Variants in SEC14L5 observed in about 807,000 individuals in gnomAD.
The protein encoded by SEC14L5 is SEC14-like protein 5.
Under a neutral mutation model 84.6 loss-of-function variants are expected in SEC14L5, and 96 were observed. That is an observed-to-expected ratio of 1.13 (90% CI 0.96 to 1.34). SEC14L5 has a LOEUF of 1.34. Ranked by LOEUF, SEC14L5 falls within the 40% of genes most tolerant of loss-of-function variation. The pLI is 0.00. For missense variants in SEC14L5, 1,224 were observed against 942.5 expected, an observed-to-expected ratio of 1.30 and a Z score of -3.91; for synonymous variants, 546 against 383.4, an observed-to-expected ratio of 1.42 and a Z score of -4.95.
chr16:4,984,035 A>T (rs945666259), intron 2 of SEC14L5, among the ~76,000 whole-genome samples: 2 of 152,214 alleles, frequency 1.3e-5, no homozygotes, highest in Admixed American at 1.3e-4. Flanking sequence ...TTCACATATC[A>T]TACAACTCAT....
At chr16:4,995,284 A>G (rs561973114) in intron 6 of SEC14L5, among the ~76,000 whole-genome samples, 11 of 152,302 alleles carry the variant, frequency 7.2e-5, no homozygotes, top group South Asian at 2.1e-4. Context: ...TGCCACCCTC[A>G]TGGCTAAGAG....
At chr16:4,997,393 C>T (rs967300080) in intron 8 of SEC14L5, among the ~76,000 whole-genome samples, 5 of 152,248 alleles carry the variant, frequency 3.3e-5, no homozygotes, top group African/African-American at 1.2e-4. Context: ...AGCCACCGCA[C>T]CCGGCCCAAA....
At chr16:4,960,046 G>A (rs1202975411) in intron 2 of SEC14L5, among the ~76,000 whole-genome samples, 1 of 152,182 alleles carries the variant, frequency 6.6e-6, no homozygotes, top group Non-Finnish European at 1.5e-5. Context: ...GATGTACTCT[G>A]TGTTGTGCAG....
At chr16:4,962,613 G>T (rs969258882) in intron 2 of SEC14L5, among the ~76,000 whole-genome samples, 1 of 151,438 alleles carries the variant, frequency 6.6e-6, no homozygotes, top group Non-Finnish European at 1.5e-5. Flanking sequence ...GCTTAAACCC[G>T]GGAGGCGGAG....
chr16:4,989,381 G>T (rs1955528932), intron 4 of SEC14L5, among the ~76,000 whole-genome samples: 1 of 149,814 alleles, frequency 6.7e-6, no homozygotes, highest in South Asian at 2.1e-4. Flanking sequence ...GGCCCAGGCT[G>T]GAGTGCACTG....
intron 4 of SEC14L5, among the ~76,000 whole-genome samples, chr16:4,990,402 A>T (rs1955540131): frequency 6.6e-6 from 1 of 152,210 alleles, no homozygotes; most frequent in African/African-American, 2.4e-5. Flanking sequence ...ACCTCAAATG[A>T]TTCGCCCACC....
chr16:4,969,865 T>C lies in SEC14L5; in HGVS notation c.63+10479T>C, dbSNP rs1160897303. Reference sequence around the variant, plus strand: ...ACTGGTCTCAGGTTGTCACCCAGGCTGGGGTGCAGCGGCACGATCACAGCT... The same window carrying C: ...ACTGGTCTCAGGTTGTCACCCAGGCCGGGGTGCAGCGGCACGATCACAGCT... On this transcript the variant is annotated intron_variant, in intron 2 of 15. Transcript: ENST00000251170. Among the ~76,000 whole-genome samples, 21 of 151,278 alleles carry C rather than the reference T, an allele frequency of 1.4e-4. No individual in the cohort carries two copies. The East Asian group carries it at 4.1e-3, about 29-fold the overall frequency.
chr16:4,967,741 T>A (rs1394526544), intron 2 of SEC14L5, among the ~76,000 whole-genome samples: 2 of 150,064 alleles, frequency 1.3e-5, no homozygotes, highest in Non-Finnish European at 3.0e-5. Context: ...CCTGGCTGAT[T>A]TTTGTATTTT....
intron 14 of SEC14L5, chr16:5,010,886 G>T: frequency 1.8e-6 from 1 of 547,428 alleles, no homozygotes; most frequent in Admixed American, 3.0e-5. Context: ...AGATTAAGAG[G>T]GAGGCTCTGG....
intron 8 of SEC14L5, among the ~76,000 whole-genome samples, chr16:4,999,353 A>C (rs185223165): frequency 1.2e-3 from 183 of 152,258 alleles, no homozygotes; most frequent in African/African-American, 3.9e-3. Flanking sequence ...ACCTGTAATC[A>C]GAGCTCTCTG....
At chr16:4,964,374 G>A (rs1265757565) in intron 2 of SEC14L5, among the ~76,000 whole-genome samples, 4 of 152,062 alleles carry the variant, frequency 2.6e-5, no homozygotes, top group Admixed American at 2.0e-4. Context: ...GGATCATGAG[G>A]TTTGGAGATC....
Position 5,005,788 on chromosome 16 carries a change from C to T in SEC14L5, c.1303-126C>T, listed in dbSNP as rs554852162. 335 of 911,044 alleles carry T rather than the reference C, an allele frequency of 3.7e-4. 2 individuals are homozygous for T. Among genetic ancestry groups the T allele is most frequent in the Admixed American group, 6.6e-4 (21 of 31,638 alleles). The allele number at this position is 911,044 out of a possible 1,614,324, so 56.4% of individuals were successfully genotyped here. A position where few individuals can be genotyped will look rare whatever the true frequency, so the allele number is the denominator to read the frequency against. ...CTGAGGCAGGAGGATGGCGTGAACC[C>T]GGGAGGTGGAGCTTGCAGTGAGCCA... On this transcript the variant is annotated intron_variant, in intron 11 of 15. Coordinates refer to ENST00000251170, the MANE Select transcript of SEC14L5 (RefSeq NM_014692.2).
At chr16:4,964,751 G>C (rs987745648) in intron 2 of SEC14L5, among the ~76,000 whole-genome samples, 4 of 149,262 alleles carry the variant, frequency 2.7e-5, no homozygotes, top group African/African-American at 9.9e-5. Context: ...TTCTTTTTTC[G>C]ATACGGGGTC....
chr16:4,993,498 T>G (rs1335893812), intron 6 of SEC14L5, among the ~76,000 whole-genome samples: 1 of 152,216 alleles, frequency 6.6e-6, no homozygotes, highest in Non-Finnish European at 1.5e-5. Flanking sequence ...TGCCTTGGCT[T>G]CCCACAGTGC....
intron 4 of SEC14L5, among the ~76,000 whole-genome samples, chr16:4,989,299 T>G (rs57206358): frequency 0.072 from 6,904 of 95,950 alleles, 551 homozygotes; most frequent in African/African-American, 0.21. Flanking sequence ...ATTGTACGTG[T>G]TTTTTTTTTT....
intron 2 of SEC14L5, among the ~76,000 whole-genome samples, chr16:4,984,164 C>G (rs1239606675): frequency 2.0e-5 from 3 of 152,156 alleles, no homozygotes; most frequent in Admixed American, 6.6e-5. Context: ...TGCCTTAACC[C>G]TCATCCCTCA....
chr16:4,987,450 C>G (rs1376443102), intron 2 of SEC14L5, 107 bp from the exon 3 acceptor site: 2 of 963,414 alleles, frequency 2.1e-6, no homozygotes, highest in African/African-American at 1.8e-5. Context: ...GTGGCCAGGG[C>G]TGCCTTTCCC....
In SEC14L5 at chr16:4,962,908, G is replaced by GC. The variant is rs1354788174; in HGVS notation, c.63+3523dup. 4.6e-5 allele frequency among the ~76,000 whole-genome samples: 7 copies of GC among 152,252 alleles called. No individual in the cohort carries two copies. In the East Asian group the frequency reaches 1.4e-3, roughly 29 times the overall value. ...ATAGCTGCATAACTCAACGTAACTT[G>GC]CACACTGTGGAAGCACAAAAGGGGT... On this transcript the variant is annotated intron_variant, in intron 2 of 15. Coordinates refer to ENST00000251170, the MANE Select transcript of SEC14L5 (RefSeq NM_014692.2).
At chr16:4,993,579 T>C (rs1361290231) in intron 6 of SEC14L5, among the ~76,000 whole-genome samples, 1 of 152,226 alleles carries the variant, frequency 6.6e-6, no homozygotes, top group Non-Finnish European at 1.5e-5. Flanking sequence ...AGTTCCCTAT[T>C]GAAGGAAACA....
Sources: allele counts gnomAD v4.1 joint callset (sites outside exome capture counted in the v4.1 genomes callset), GRCh38; gene constraint gnomAD v4.1.1; transcripts MANE v1.5; gene names NCBI Gene and HGNC (gene_info 2026-07-23, HGNC 2026-07-21).